The following SKAP1 variants were observed in gnomAD, a reference collection of about 807,000 sequenced individuals.
SKAP1 encodes the protein src kinase associated phosphoprotein 1, also known as src kinase-associated phosphoprotein 1.
SKAP1 carries 44 observed loss-of-function variants against 58.5 expected under a neutral mutation model. The ratio of observed to expected loss-of-function variants is 0.75; its 90% CI spans 0.59 to 0.97. The LOEUF (loss-of-function observed/expected upper bound fraction) is 0.97, where lower values mean the gene tolerates loss of function less well. SKAP1 is among the 50% of genes least tolerant of loss of function. The probability of loss-of-function intolerance (pLI) is 0.00; values close to 1 mark genes in which losing one functional copy is unlikely to be tolerated. For missense variants in SKAP1, 390 were observed against 435.2 expected (o/e 0.90, Z 0.92); for synonymous variants, 127 against 149.7 (o/e 0.85, Z 1.11).
chr17:48,204,972 C>A (rs1035796321), intron 4 of SKAP1, among the ~76,000 whole-genome samples: 9 of 34,566 alleles, frequency 2.6e-4, no homozygotes, highest in African/African-American at 1.0e-3. Context: ...CTTTTCTTTT[C>A]TTTTCTTTCT....
intron 4 of SKAP1, among the ~76,000 whole-genome samples, chr17:48,280,880 ATTTG>A (rs2065758278): frequency 6.6e-6 from 1 of 152,168 alleles, no homozygotes. Flanking sequence ...TAGAAACACA[ATTTG>A]TTTATCTACT....
chr17:48,140,600 G>A (rs2063755742), intron 11 of SKAP1, among the ~76,000 whole-genome samples: 1 of 152,034 alleles, frequency 6.6e-6, no homozygotes, highest in Non-Finnish European at 1.5e-5. Flanking sequence ...AACTCAGTAT[G>A]TCCTAAATTT....
rs879645756 is a variant in SKAP1, at chr17:48,188,757, G to A, written c.358+666C>T. 5.3e-5 allele frequency among the ~76,000 whole-genome samples: 8 copies of A among 151,720 alleles called. No individual in the cohort carries two copies. In the South Asian group the frequency reaches 1.5e-3, roughly 28 times the overall value. ...CTCATGCCTGTAATCCCAGTACTTT[G>A]GGAGGCTGAGGCGGGCAGATCACTT... On this transcript the variant is annotated intron_variant, in intron 5 of 12. Coordinates refer to ENST00000336915, the MANE Select transcript of SKAP1 (RefSeq NM_003726.4).
At chr17:48,261,708 TAG>T (rs2065486519) in intron 4 of SKAP1, among the ~76,000 whole-genome samples, 1 of 152,188 alleles carries the variant, frequency 6.6e-6, no homozygotes, top group Non-Finnish European at 1.5e-5. Flanking sequence ...GGCTAATTAA[TAG>T]AGTTTGTTAC....
chr17:48,406,044 A>G (rs967207617), intron 1 of SKAP1, among the ~76,000 whole-genome samples: 4 of 152,048 alleles, frequency 2.6e-5, no homozygotes, highest in African/African-American at 7.2e-5. Context: ...AGGCGGGTAG[A>G]TCACGAAGTC....
intron 4 of SKAP1, among the ~76,000 whole-genome samples, chr17:48,338,342 G>A (rs1488049295): frequency 6.6e-6 from 1 of 151,926 alleles, no homozygotes; most frequent in African/African-American, 2.4e-5. Flanking sequence ...AGTAGAGATG[G>A]GGTTTCATCA....
chr17:48,413,265 A>G (rs1410953688), intron 1 of SKAP1, among the ~76,000 whole-genome samples: 1 of 151,762 alleles, frequency 6.6e-6, no homozygotes, highest in Non-Finnish European at 1.5e-5. Context: ...CTGTAATCCC[A>G]GCACTTTGGG....
intron 4 of SKAP1, among the ~76,000 whole-genome samples, chr17:48,302,078 T>C (rs2066065956): frequency 6.6e-6 from 1 of 152,198 alleles, no homozygotes; most frequent in Non-Finnish European, 1.5e-5. Flanking sequence ...TCAATGGTAG[T>C]GATCAACAAC....
intron 11 of SKAP1, among the ~76,000 whole-genome samples, chr17:48,150,435 C>T (rs1399523956): frequency 6.6e-6 from 1 of 152,068 alleles, no homozygotes; most frequent in African/African-American, 2.4e-5. Flanking sequence ...TGTAGAGACC[C>T]CCTTGGTTAC....
chr17:48,239,589 C>G (rs1316208724), intron 4 of SKAP1, among the ~76,000 whole-genome samples: 1 of 152,142 alleles, frequency 6.6e-6, no homozygotes, highest in Non-Finnish European at 1.5e-5. Context: ...ATAGAAAAAG[C>G]TTTCTTTTGC....
intron 2 of SKAP1, among the ~76,000 whole-genome samples, chr17:48,367,774 C>A (rs560886249): frequency 1.3e-5 from 2 of 151,082 alleles, no homozygotes; most frequent in Non-Finnish European, 2.9e-5. Context: ...AAAAATTAGC[C>A]GGGCGTGGTG....
At chr17:48,245,480 A>T (rs1375851930) in intron 4 of SKAP1, among the ~76,000 whole-genome samples, 1 of 152,128 alleles carries the variant, frequency 6.6e-6, no homozygotes, top group Non-Finnish European at 1.5e-5. Flanking sequence ...GGCTTATTTC[A>T]CTCAATCTTT....
chr17:48,375,976 A>G (rs904660571), intron 2 of SKAP1, among the ~76,000 whole-genome samples: 1 of 152,218 alleles, frequency 6.6e-6, no homozygotes, highest in Non-Finnish European at 1.5e-5. Context: ...GAGCATCAAG[A>G]GGAAAGTCAG....
At chr17:48,246,795 A>G (rs1192507171) in intron 4 of SKAP1, among the ~76,000 whole-genome samples, 1 of 152,206 alleles carries the variant, frequency 6.6e-6, no homozygotes, top group South Asian at 2.1e-4. Flanking sequence ...TACAGTACTT[A>G]TCACACAGCC....
chr17:48,389,420 A>C (rs2067318241), intron 2 of SKAP1, among the ~76,000 whole-genome samples: 1 of 152,266 alleles, frequency 6.6e-6, no homozygotes, highest in Non-Finnish European at 1.5e-5. Flanking sequence ...AAGAAACTAC[A>C]TCACGCCTGG....
At chr17:48,354,811 T>C (rs17623482) in intron 3 of SKAP1, among the ~76,000 whole-genome samples, 32,172 of 152,058 alleles carry the variant, frequency 0.21, 3,416 homozygotes, top group Admixed American at 0.22. Flanking sequence ...GCAAATTCAT[T>C]GGGTTTCAGG....
At chr17:48,207,498 A>G (rs1190939591) in intron 4 of SKAP1, among the ~76,000 whole-genome samples, 1 of 151,822 alleles carries the variant, frequency 6.6e-6, no homozygotes, top group East Asian at 1.9e-4. Context: ...AAAAAAAAAA[A>G]AAAAGAAAAA....
At chr17:48,162,756 A>G (rs2064086731) in intron 10 of SKAP1, 187 bp from the exon 11 acceptor site, 1 of 487,596 alleles carries the variant, frequency 2.1e-6, no homozygotes, top group African/African-American at 2.0e-5. Context: ...GGAGATCATT[A>G]ACTAACATTA....
intron 2 of SKAP1, 128 bp from the exon 3 acceptor site, chr17:48,363,942 A>G: frequency 3.6e-6 from 2 of 553,390 alleles, no homozygotes; most frequent in East Asian, 3.1e-5. Flanking sequence ...CAAAGTCACT[A>G]CTAATTTTGA....
Sources: gnomAD v4.1 joint callset for allele counts (sites outside exome capture counted in the v4.1 genomes callset) on GRCh38, gnomAD v4.1.1 for gene constraint, MANE v1.5 for transcripts, NCBI Gene and HGNC (gene_info 2026-07-23, HGNC 2026-07-21) for gene names.